Variants in DOCK2 observed in about 807,000 individuals in gnomAD.
DOCK2 encodes the protein dedicator of cytokinesis protein 2.
A neutral mutation model predicts 248.9 loss-of-function variants in DOCK2; 87 were observed. The observed-to-expected ratio is 0.35, with a 90% CI of 0.29 to 0.42. DOCK2 has a LOEUF of 0.42. DOCK2 is among the 10% of genes least tolerant of loss of function. The probability of loss-of-function intolerance (pLI) is 1.00; values close to 1 mark genes in which losing one functional copy is unlikely to be tolerated. For missense variants in DOCK2, 1,747 were observed against 2,300.2 expected (o/e 0.76, Z 4.92); for synonymous variants, 805 against 821.6 (o/e 0.98, Z 0.35).
At chr5:169,721,908 A>G (rs1186691348) in intron 22 of DOCK2, among the ~76,000 whole-genome samples, 2 of 152,208 alleles carry the variant, frequency 1.3e-5, no homozygotes, top group African/African-American at 2.4e-5. Context: ...CTAGCTCCTG[A>G]GTCAAAGTCT....
intron 27 of DOCK2, among the ~76,000 whole-genome samples, chr5:169,916,103 T>A (rs1010035269): frequency 2.0e-5 from 3 of 152,206 alleles, no homozygotes; most frequent in Admixed American, 2.0e-4. Context: ...TTAATGAGAA[T>A]TCAAACTAGA....
At chr5:169,923,921 C>A (rs1019947425) in intron 27 of DOCK2, among the ~76,000 whole-genome samples, 2 of 152,190 alleles carry the variant, frequency 1.3e-5, no homozygotes, top group African/African-American at 4.8e-5. Flanking sequence ...ATCTGCTGCT[C>A]CCTTGGAGAA....
At chr5:169,725,305 C>CTTTT (rs1762412259) in intron 22 of DOCK2, among the ~76,000 whole-genome samples, 1 of 151,978 alleles carries the variant, frequency 6.6e-6, no homozygotes, top group Non-Finnish European at 1.5e-5. Flanking sequence ...AAACTGTCAC[C>CTTTT]GAAAGGATAT....
At chr5:170,021,460 C>T (rs1239380970) in intron 33 of DOCK2, among the ~76,000 whole-genome samples, 1 of 152,184 alleles carries the variant, frequency 6.6e-6, no homozygotes, top group African/African-American at 2.4e-5. Flanking sequence ...GAAATAAGAC[C>T]TGGTCGTTGC....
chr5:169,991,100 C>T (rs1363969949), intron 29 of DOCK2, among the ~76,000 whole-genome samples: 4 of 152,356 alleles, frequency 2.6e-5, no homozygotes, highest in South Asian at 2.1e-4. Flanking sequence ...AGCCCACGGC[C>T]GCAGCTCAGA....
chr5:169,931,044 G>A (rs1227629935), intron 27 of DOCK2, among the ~76,000 whole-genome samples: 1 of 152,176 alleles, frequency 6.6e-6, no homozygotes, highest in Non-Finnish European at 1.5e-5. Flanking sequence ...GTGGATTTGT[G>A]GGAAGTTGTT....
chr5:169,935,668 T>C (rs17670466), intron 27 of DOCK2, among the ~76,000 whole-genome samples: 7,688 of 152,264 alleles, frequency 0.05, 500 homozygotes, highest in African/African-American at 0.15. Context: ...GCCGATGCGG[T>C]GAAGTCATCC....
chr5:169,816,476 C>T lies in DOCK2; in HGVS notation c.2703+13270C>T, dbSNP rs140389943. On this transcript the variant is annotated intron_variant, in intron 26 of 51. Coordinates refer to ENST00000520908, the MANE Select transcript of DOCK2 (RefSeq NM_004946.3). Reference sequence around the variant, plus strand: ...AGCATGCTAAAGTCATCTTTGCCCTCTATTTATTACCTTGCCTTTGGCCTG... The same window carrying T: ...AGCATGCTAAAGTCATCTTTGCCCTTTATTTATTACCTTGCCTTTGGCCTG... Among the ~76,000 whole-genome samples the T allele has an allele frequency of 6.0e-3, 915 of 152,328 alleles. 8 individuals are homozygous for T. Among genetic ancestry groups the T allele is most frequent in the African/African-American group, 0.021 (860 of 41,574 alleles).
chr5:169,871,260 A>G (rs540778716), intron 27 of DOCK2, among the ~76,000 whole-genome samples: 21 of 152,358 alleles, frequency 1.4e-4, no homozygotes, highest in Middle Eastern at 3.4e-3. Flanking sequence ...CTGCTTAAAG[A>G]AGGACCAAAT....
At chr5:169,810,332 C>T (rs1000739629) in intron 26 of DOCK2, among the ~76,000 whole-genome samples, 2 of 152,128 alleles carry the variant, frequency 1.3e-5, no homozygotes, top group African/African-American at 4.8e-5. Flanking sequence ...CTTCATTGGT[C>T]TGTGCAAGAT....
chr5:169,836,714 A>T (rs939509066), intron 26 of DOCK2, among the ~76,000 whole-genome samples: 1 of 152,164 alleles, frequency 6.6e-6, no homozygotes, highest in Non-Finnish European at 1.5e-5. Context: ...GCCTGCTCTG[A>T]CCTGAAGATT....
intron 27 of DOCK2, among the ~76,000 whole-genome samples, chr5:169,969,728 C>G (rs1401570169): frequency 1.3e-5 from 2 of 151,460 alleles, no homozygotes; most frequent in Non-Finnish European, 2.9e-5. Context: ...GTCCTGGTTA[C>G]CTAGGACTGA....
At chr5:169,810,470 CAGAA>C (rs1470862177) in intron 26 of DOCK2, among the ~76,000 whole-genome samples, 2 of 152,220 alleles carry the variant, frequency 1.3e-5, no homozygotes, top group Non-Finnish European at 2.9e-5. Context: ...ATCTAAAAGA[CAGAA>C]GGAGCTCTCT....
At chr5:170,071,142 C>T (rs1236762326) in intron 46 of DOCK2, among the ~76,000 whole-genome samples, 1 of 152,206 alleles carries the variant, frequency 6.6e-6, no homozygotes. Flanking sequence ...GCAAAAGATG[C>T]AGTCCTGCTC....
At chr5:169,751,736 G>A (rs768446322) in intron 23 of DOCK2, among the ~76,000 whole-genome samples, 2 of 152,178 alleles carry the variant, frequency 1.3e-5, no homozygotes, top group African/African-American at 2.4e-5. Context: ...CCAAGACCAC[G>A]GAGAATTGAA....
At chr5:169,977,122 G>GGA (rs1777743961) in intron 27 of DOCK2, among the ~76,000 whole-genome samples, 1 of 152,184 alleles carries the variant, frequency 6.6e-6, no homozygotes, top group Middle Eastern at 3.2e-3. Context: ...TGAACAATTT[G>GGA]GACACTGTTG....
At chr5:170,081,605 A>T in intron 50 of DOCK2, 2 of 533,382 alleles carry the variant, frequency 3.7e-6, no homozygotes, top group Non-Finnish European at 6.6e-6. Flanking sequence ...CAAGGTTTTG[A>T]CCAGGAGCCA....
intron 26 of DOCK2, among the ~76,000 whole-genome samples, chr5:169,833,087 A>G (rs1007233527): frequency 6.6e-6 from 1 of 152,178 alleles, no homozygotes; most frequent in African/African-American, 2.4e-5. Context: ...GTCACACAAC[A>G]CTGGTCATAT....
Position 170,076,060 on chromosome 5 carries a change from G to A in DOCK2, c.4842G>A (p.Glu1614=), listed in dbSNP as rs1454343383. 1.2e-6 allele frequency: 2 copies of A among 1,604,798 alleles called. No homozygotes were observed. Among genetic ancestry groups the A allele is most frequent in the Non-Finnish European group, 1.7e-6 (2 of 1,174,340 alleles). The change falls in exon 47 of 52, where the codon GAG becomes GAA. Residue 1614 remains glutamate (E), a synonymous_variant. Transcript: ENST00000520908. Reference sequence around the variant, plus strand: ...TCAAGAACCTGAAAATGAAGGTGGAGAAGGAGTACGGTGTCCGAGAGATGG... The same window carrying A: ...TCAAGAACCTGAAAATGAAGGTGGAAAAGGAGTACGGTGTCCGAGAGATGG... ...ECFKNLKMKV[E]KEYGVREMPD...
Sources: allele counts gnomAD v4.1 joint callset (sites outside exome capture counted in the v4.1 genomes callset), GRCh38; gene constraint gnomAD v4.1.1; transcripts MANE v1.5; gene names NCBI Gene and HGNC (gene_info 2026-07-23, HGNC 2026-07-21).